The following LGR4 variants were observed in gnomAD, a reference collection of about 807,000 sequenced individuals.
LGR4 encodes the protein leucine rich repeat containing G protein-coupled receptor 4, also known as leucine-rich repeat-containing G protein-coupled receptor 4.
Under a neutral mutation model 84.8 loss-of-function variants are expected in LGR4, and 44 were observed. That is an observed-to-expected ratio of 0.52 (90% CI 0.41 to 0.67). The LOEUF is 0.67. Among genes scored for constraint, LGR4 ranks in the 30% least tolerant of loss-of-function variants. The pLI is 0.00. For synonymous variants in LGR4, 429 were observed against 434.3 expected (o/e 0.99, Z 0.15); for missense variants, 1,032 against 1,131.4 (o/e 0.91, Z 1.26).
rs767467499 is a variant in LGR4, at chr11:27,380,669, T to C, written c.873A>G (p.Ala291=). ...AATGAAGATCAGATAAATTGTGAAA[T>C]GCTGAGTTCCCCACAAAAGACAGAG... ...DNPLSFVGNS[A]FHNLSDLHSL... The change falls in exon 9 of 18, where the codon GCA becomes GCG. Residue 291 remains alanine, a synonymous_variant. Transcript: ENST00000379214. 2 of 1,602,574 alleles carry C rather than the reference T, an allele frequency of 1.2e-6. No individual in the cohort carries two copies. Among genetic ancestry groups the C allele is most frequent in the Admixed American group, 1.7e-5 (1 of 59,912 alleles).
chr11:27,370,719 G>GC lies in LGR4; in HGVS notation c.1579+895dup, dbSNP rs796277068. Among the ~76,000 whole-genome samples, 48 of 152,176 alleles carry GC rather than the reference G, an allele frequency of 3.2e-4. 1 individual carries two copies. Among genetic ancestry groups the GC allele is most frequent in the African/African-American group, 1.0e-3 (43 of 41,528 alleles). ...TGGAAACGCTGCATGTTGAAGTCCA[G>GC]CCCCCCCTTTAATAAACCTGTTCCC... On this transcript the variant is annotated intron_variant, in intron 17 of 17. Coordinates refer to ENST00000379214, the MANE Select transcript of LGR4 (RefSeq NM_018490.5).
At chr11:27,461,836 A>ATTTTTTTTTTTTTTTTTTTTT (rs35205372) in intron 1 of LGR4, among the ~76,000 whole-genome samples, 1 of 76,558 alleles carries the variant, frequency 1.3e-5, no homozygotes, top group African/African-American at 5.2e-5. Flanking sequence ...TTGAGTTAGG[A>ATTTTTTTTTTTTTTTTTTTTT]TTTTTTTTTT....
chr11:27,414,488 A>G (rs1863775032), intron 1 of LGR4, among the ~76,000 whole-genome samples: 1 of 152,132 alleles, frequency 6.6e-6, no homozygotes, highest in Non-Finnish European at 1.5e-5. Flanking sequence ...ATTTCTTAGC[A>G]CAAGAAATTT....
Position 27,425,326 on chromosome 11 carries a change from GT to G in LGR4, c.186-12467del, listed in dbSNP as rs553464522. Among the ~76,000 whole-genome samples, 990 of 142,462 alleles carry G rather than the reference GT, an allele frequency of 6.9e-3. 5 individuals carry two copies. Among genetic ancestry groups the G allele is most frequent in the Admixed American group, 0.012 (173 of 14,292 alleles). The allele number at this position is 142,462 out of a possible 152,430, so 93.5% of individuals were successfully genotyped here. ...AGTTTATAGTTATTGTCTCAGCACA[GT>G]TTTTTTTTTTGTTTTTTTTTTTGAA... is the stretch of plus-strand genomic sequence containing the variant. On this transcript the variant is annotated intron_variant, in intron 1 of 17. Coordinates refer to ENST00000379214, the MANE Select transcript of LGR4 (RefSeq NM_018490.5).
chr11:27,400,968 A>T (rs1042116152), intron 2 of LGR4, among the ~76,000 whole-genome samples: 5 of 152,200 alleles, frequency 3.3e-5, no homozygotes, highest in African/African-American at 1.2e-4. Context: ...TCCTATATCA[A>T]CTAATGATGT....
In LGR4 at chr11:27,462,883, A is replaced by T. The variant is rs545846108; in HGVS notation, c.185+9235T>A. Among the ~76,000 whole-genome samples, 27 of 151,996 alleles carry T rather than the reference A, an allele frequency of 1.8e-4. 1 individual carries two copies. The highest frequency in any genetic ancestry group is 5.8e-4 in the African/African-American group (24 of 41,456). On this transcript the variant is annotated intron_variant, in intron 1 of 17. Transcript: ENST00000379214. ...TGCCAGACTCTTAAAAAAAAGAAAAAGAAAGGAAAAAAACAAACCATTTTT... is the reference window on the plus strand; with the variant it reads ...TGCCAGACTCTTAAAAAAAAGAAAATGAAAGGAAAAAAACAAACCATTTTT...
chr11:27,392,646 A>G, intron 2 of LGR4, 128 bp from the exon 3 acceptor site: 1 of 735,294 alleles, frequency 1.4e-6, no homozygotes, highest in Non-Finnish European at 2.2e-6. Flanking sequence ...TCTGACATTA[A>G]ACGTGGACTT....
intron 2 of LGR4, among the ~76,000 whole-genome samples, chr11:27,393,140 C>A (rs1863317536): frequency 6.6e-6 from 1 of 152,096 alleles, no homozygotes; most frequent in Non-Finnish European, 1.5e-5. Flanking sequence ...GATAAGAATT[C>A]TTTGGATCCT....
chr11:27,450,105 C>T (rs558432663), intron 1 of LGR4, among the ~76,000 whole-genome samples: 1 of 152,238 alleles, frequency 6.6e-6, no homozygotes, highest in Non-Finnish European at 1.5e-5. Flanking sequence ...TGTATAATAT[C>T]CAATTCCCTA....
At chr11:27,465,539 T>C (rs1864761964) in intron 1 of LGR4, among the ~76,000 whole-genome samples, 1 of 152,242 alleles carries the variant, frequency 6.6e-6, no homozygotes, top group African/African-American at 2.4e-5. Context: ...CAAAGTTTAA[T>C]AACGAATATT....
At chr11:27,445,814 T>G (rs74854995) in intron 1 of LGR4, among the ~76,000 whole-genome samples, 2,709 of 152,116 alleles carry the variant, frequency 0.018, 81 homozygotes, top group African/African-American at 0.062. Flanking sequence ...CAGGTGAAGG[T>G]TGCAGTGAGC....
chr11:27,400,835 C>G (rs143397414), intron 2 of LGR4, among the ~76,000 whole-genome samples: 2 of 151,990 alleles, frequency 1.3e-5, no homozygotes, highest in South Asian at 4.2e-4. Flanking sequence ...TCAAGAGGAC[C>G]GGAGGATATG....
chr11:27,472,243 C>T lies in LGR4; in HGVS notation c.60G>A (p.Gly20=), dbSNP rs1237438738. The change falls in exon 1 of 18, where the codon GGG becomes GGA. Residue 20 remains glycine (G), a synonymous_variant. Transcript: ENST00000379214. Reference sequence around the variant, plus strand: ...AGAGAGGCGGCGCCGCGCCGCTGGGCCCGGCCGAGCCGAGCAGCCCCAGGG... The same window carrying T: ...AGAGAGGCGGCGCCGCGCCGCTGGGTCCGGCCGAGCCGAGCAGCCCCAGGG... ...FLALGLLGSA[G]PSGAAPPLCA... is the part of the protein sequence containing the mutation. 8.3e-6 allele frequency: 11 copies of T among 1,323,910 alleles called. No individual in the cohort carries two copies. In the South Asian group the frequency reaches 1.4e-4, roughly 16 times the overall value. The allele number at this position is 1,323,910 out of a possible 1,614,324, so 82.0% of individuals were successfully genotyped here.
chr11:27,448,274 A>C (rs1864425191), intron 1 of LGR4, among the ~76,000 whole-genome samples: 1 of 150,402 alleles, frequency 6.6e-6, no homozygotes, highest in African/African-American at 2.4e-5. Flanking sequence ...CCAGAGTTTC[A>C]GTTGTTCTTT....
intron 1 of LGR4, among the ~76,000 whole-genome samples, chr11:27,456,100 T>C (rs1297192029): frequency 6.6e-6 from 1 of 152,162 alleles, no homozygotes; most frequent in African/African-American, 2.4e-5. Context: ...GAAAGCAAAA[T>C]GCTTCCAGGG....
chr11:27,399,058 G>GCACCACCACACAGCCA (rs1300927272), intron 2 of LGR4, among the ~76,000 whole-genome samples: 1 of 151,978 alleles, frequency 6.6e-6, no homozygotes, highest in African/African-American at 2.4e-5. Context: ...TTACAGCCAT[G>GCACCACCACACAGCCA]TACCACCACA....
Position 27,401,615 on chromosome 11 carries a change from T to C in LGR4, c.258-9097A>G, listed in dbSNP as rs150931291. Among the ~76,000 whole-genome samples, 605 of 152,328 alleles carry C rather than the reference T, an allele frequency of 4.0e-3. 3 individuals are homozygous for C. The highest frequency in any genetic ancestry group is 0.012 in the African/African-American group (514 of 41,564). On this transcript the variant is annotated intron_variant, in intron 2 of 17. Transcript: ENST00000379214. The stretch of plus-strand genomic sequence containing the variant: ...GCATGGCAAAGGAGGTATTGAGTTT[T>C]CCCAGGACATTTCTCATTTCATTTC...
chr11:27,441,334 T>C (rs1864301181), intron 1 of LGR4, among the ~76,000 whole-genome samples: 1 of 152,194 alleles, frequency 6.6e-6, no homozygotes, highest in African/African-American at 2.4e-5. Context: ...CAGCCTCTAC[T>C]AGTTAACTAC....
At chr11:27,422,306 C>T (rs918129110) in intron 1 of LGR4, among the ~76,000 whole-genome samples, 3 of 152,136 alleles carry the variant, frequency 2.0e-5, no homozygotes, top group Admixed American at 6.6e-5. Context: ...CTTATTAACG[C>T]GACTGATAGG....
Sources: allele counts gnomAD v4.1 joint callset (sites outside exome capture counted in the v4.1 genomes callset), GRCh38; gene constraint gnomAD v4.1.1; transcripts MANE v1.5; gene names NCBI Gene and HGNC (gene_info 2026-07-23, HGNC 2026-07-21).